Variants in PKHD1L1 observed in about 807,000 individuals in gnomAD.
PKHD1L1 encodes fibrocystin-L.
A neutral mutation model predicts 462.9 loss-of-function variants in PKHD1L1; 434 were observed. That is an observed-to-expected ratio of 0.94 (90% CI 0.87 to 1.02). The LOEUF (loss-of-function observed/expected upper bound fraction) is 1.02, where lower values mean the gene tolerates loss of function less well. Ranked by LOEUF, PKHD1L1 falls within the 50% of genes least tolerant of loss-of-function variation. PKHD1L1 has a pLI of 0.00. For missense variants in PKHD1L1, 5,202 were observed against 5,096.1 expected (o/e 1.02, Z -0.63); for synonymous variants, 1,781 against 1,750.0 (o/e 1.02, Z -0.44).
chr8:109,474,850 C>G (rs1817897052), intron 50 of PKHD1L1, among the ~76,000 whole-genome samples: 1 of 152,104 alleles, frequency 6.6e-6, no homozygotes, highest in African/African-American at 2.4e-5. Flanking sequence ...CATCTCAATT[C>G]AAAATTCCAG....
rs772278550 is a variant in PKHD1L1, at chr8:109,456,274, C to T, written c.6887C>T (p.Pro2296Leu). ...GILDLHGVPV[P>L]VTWTRLAHTA... The stretch of plus-strand genomic sequence containing the variant: ...ATGTTGGTTCTAGGTGTGCCTGTTC[C>T]TGTGACCTGGACTCGCTTGGCTCAT... The change falls in exon 46 of 78, where the codon CCT becomes CTT. Residue 2296 changes from proline (P) to leucine (L), a missense_variant. Physicochemically the swap from Pro to Leu is moderately conservative, Grantham distance 98. Coordinates refer to ENST00000378402, the MANE Select transcript of PKHD1L1 (RefSeq NM_177531.6). The T allele has an allele frequency of 1.7e-5, 27 of 1,612,420 alleles. No individual in the cohort carries two copies. The African/African-American group carries it at 2.4e-4, about 14-fold the overall frequency.
rs777110990 is a variant in PKHD1L1 at position 109,464,506 on chromosome 8, C to T, written c.7674C>T (p.Thr2558=). 6.2e-6 allele frequency: 10 copies of T among 1,613,498 alleles called. No homozygotes were observed. The Admixed American group carries it at 1.3e-4, about 22-fold the overall frequency. ...QSTSLLNDDV[T]PAAFWVTNPN... is the part of the protein sequence containing the mutation. ...CCAGTCTTCTGAATGATGATGTGAC[C>T]CCGGCTGCATTTTGGGTCACCAACC... Residue 2558 remains threonine, a synonymous_variant, in exon 49 of 78, where the codon ACC becomes ACT. Transcript: ENST00000378402.
intron 50 of PKHD1L1, among the ~76,000 whole-genome samples, chr8:109,473,455 G>T (rs934649668): frequency 6.6e-6 from 1 of 151,728 alleles, no homozygotes; most frequent in African/African-American, 2.4e-5. Context: ...GGCAGAGTTT[G>T]CAGTGAGCCG....
Position 109,405,129 on chromosome 8 carries a change from T to A in PKHD1L1, c.1668T>A (p.Thr556=). The stretch of plus-strand genomic sequence containing the variant: ...GATTAATCTATAATATGGAAAAAAC[T>A]GGTAAGTTATAAATAATAAGGGAGA... ...QYRLIYNMEK[T]VFLPADASEF... is the part of the protein sequence containing the mutation. The change falls in exon 16 of 78, where the codon ACT becomes ACA. Residue 556 remains threonine (T), a splice_region_variant and synonymous_variant. Transcript: ENST00000378402. The A allele has an allele frequency of 6.9e-7, 1 of 1,443,506 alleles. No individual in the cohort carries two copies. Among genetic ancestry groups the A allele is most frequent in the Non-Finnish European group, 9.5e-7 (1 of 1,054,274 alleles). The allele number at this position is 1,443,506 out of a possible 1,614,324, so 89.4% of individuals were successfully genotyped here. A position where few individuals can be genotyped will look rare whatever the true frequency, so the allele number is the denominator to read the frequency against.
rs767197685 is a variant in PKHD1L1, at chr8:109,448,288, G to A, written c.5922G>A (p.Gly1974=). ...VVQCIVGDHA[G]GTFPVMMHHK... The stretch of plus-strand genomic sequence containing the variant: ...AGTGCATCGTGGGAGATCATGCTGG[G>A]GGCACATTTCCTGTTATGATGCATC... The change falls in exon 39 of 78, where the codon GGG becomes GGA. Residue 1974 remains glycine (G), a synonymous_variant. Coordinates refer to ENST00000378402, the MANE Select transcript of PKHD1L1 (RefSeq NM_177531.6). 10 of 1,613,294 alleles carry A rather than the reference G, an allele frequency of 6.2e-6. No homozygotes were observed. The Admixed American group carries it at 8.3e-5, about 13-fold the overall frequency.
chr8:109,362,862 A>G (rs1811049284), intron 1 of PKHD1L1, among the ~76,000 whole-genome samples: 1 of 152,158 alleles, frequency 6.6e-6, no homozygotes, highest in South Asian at 2.1e-4. Flanking sequence ...AGACAAGGAC[A>G]CAGAGAAAGA....
intron 40 of PKHD1L1, 133 bp from the exon 41 acceptor site, chr8:109,450,842 A>G (rs577835828): frequency 1.1e-4 from 91 of 853,728 alleles, no homozygotes; most frequent in Admixed American, 5.9e-4. Flanking sequence ...TATTATTCAC[A>G]TGTAGCCTAG....
At chr8:109,527,083 A>C in intron 77 of PKHD1L1, 63 bp downstream of exon 77, 1 of 1,360,974 alleles carries the variant, frequency 7.3e-7, no homozygotes. Context: ...TTACTGGATA[A>C]AGGCTGTGTG....
chr8:109,418,285 A>G (rs10092246), intron 21 of PKHD1L1, among the ~76,000 whole-genome samples: 44,946 of 151,620 alleles, frequency 0.3, 7,189 homozygotes, highest in Admixed American at 0.43. Context: ...TTTGCATACA[A>G]TTTGCTAAAA....
chr8:109,463,950 T>G (rs1438727575), intron 48 of PKHD1L1, among the ~76,000 whole-genome samples: 2 of 152,118 alleles, frequency 1.3e-5, no homozygotes, highest in African/African-American at 4.8e-5. Flanking sequence ...CACAAAAGTT[T>G]ACTAATATAC....
chr8:109,376,423 G>A (rs1401589772), intron 2 of PKHD1L1, among the ~76,000 whole-genome samples: 1 of 152,200 alleles, frequency 6.6e-6, no homozygotes, highest in Non-Finnish European at 1.5e-5. Context: ...CTAGGAAAGG[G>A]AATTCCCTGA....
chr8:109,508,001 C>T, intron 69 of PKHD1L1, 96 bp from the exon 70 acceptor site: 2 of 1,490,238 alleles, frequency 1.3e-6, no homozygotes, highest in Middle Eastern at 1.8e-4. Context: ...TTATTTTCTA[C>T]TTCTTAAACT....
intron 50 of PKHD1L1, chr8:109,470,215 T>C (rs1243926869): frequency 2.8e-6 from 3 of 1,070,300 alleles, no homozygotes; most frequent in Admixed American, 4.2e-5. Context: ...TACCAGTTAC[T>C]CTACTGAGCC....
chr8:109,490,799 A>G (rs901195622), intron 60 of PKHD1L1, among the ~76,000 whole-genome samples, 173 bp from the exon 61 acceptor site: 20 of 151,790 alleles, frequency 1.3e-4, no homozygotes, highest in Non-Finnish European at 2.7e-4. Flanking sequence ...GGAAATTTCC[A>G]TATTTTATAT....
At chr8:109,388,698 AT>A in intron 7 of PKHD1L1, 148 bp downstream of exon 7, 2 of 631,942 alleles carry the variant, frequency 3.2e-6, no homozygotes, top group Non-Finnish European at 5.4e-6. Context: ...ATTAGCAATC[AT>A]TTTTACAGTT....
In PKHD1L1 at chr8:109,496,873, A is replaced by T. The variant is rs771704619; in HGVS notation, c.10328-46A>T. The T allele has an allele frequency of 1.8e-5, 28 of 1,539,152 alleles. No homozygotes were observed. The South Asian group carries it at 2.5e-4, about 14-fold the overall frequency. Reference sequence around the variant, plus strand: ...TGATACTGCTTATTAAAACTATATGACATGAAATGTAGTGTTCATTCTCTG... The same window carrying T: ...TGATACTGCTTATTAAAACTATATGTCATGAAATGTAGTGTTCATTCTCTG... On this transcript the variant is annotated intron_variant, in intron 63 of 77. Transcript: ENST00000378402.
rs947427155 is a variant in PKHD1L1 at position 109,476,389 on chromosome 8, C to A, written c.8758-119C>A. 19 of 688,984 alleles carry A rather than the reference C, an allele frequency of 2.8e-5. No individual in the cohort carries two copies. The South Asian group carries it at 4.2e-4, about 15-fold the overall frequency. The allele number at this position is 688,984 out of a possible 1,614,324, so 42.7% of individuals were successfully genotyped here. A position where few individuals can be genotyped will look rare whatever the true frequency, so the allele number is the denominator to read the frequency against. ...ATAGAAATTCAAGACAAAAAACAAA[C>A]TAAAGCCAAAACTTTTAAATCTTAA... On this transcript the variant is annotated intron_variant, in intron 51 of 77. Transcript: ENST00000378402.
At position 109,480,025 on chromosome 8, in the gene PKHD1L1, A is replaced by G. The variant is rs1818194255; in HGVS notation, c.9213A>G (p.Ser3071=). ...TTGTAGCTGACATAGATATGCCATC[A>G]ATGGAAAGACTCATTATTTGGGGGG... The part of the protein sequence containing the change: ...TWIVADIDMP[S]MERLIIWGVL... The change falls in exon 55 of 78, where the codon TCA becomes TCG. Residue 3071 remains serine, a synonymous_variant. Transcript: ENST00000378402. 2.5e-6 allele frequency: 4 copies of G among 1,592,572 alleles called. No individual in the cohort carries two copies. The highest frequency in any genetic ancestry group is 4.5e-5 in the East Asian group (2 of 44,484).
At chr8:109,499,003 A>T (rs1246010112) in intron 67 of PKHD1L1, 1 of 484,060 alleles carries the variant, frequency 2.1e-6, no homozygotes, top group Non-Finnish European at 3.6e-6. Flanking sequence ...CTAAAACAAC[A>T]ACAAAACACT....
Sources: allele counts gnomAD v4.1 joint callset (sites outside exome capture counted in the v4.1 genomes callset), GRCh38; gene constraint gnomAD v4.1.1; transcripts MANE v1.5; gene names NCBI Gene and HGNC (gene_info 2026-07-23, HGNC 2026-07-21).